The following PKHD1 variants were observed in gnomAD, a reference collection of about 807,000 sequenced individuals.
The protein encoded by PKHD1 is PKHD1 ciliary IPT domain containing fibrocystin/polyductin.
In PKHD1, 291 loss-of-function variants were observed where a neutral mutation model predicts 412.0. The observed-to-expected ratio is 0.71, with a 90% CI of 0.64 to 0.78. PKHD1 has a LOEUF of 0.78. PKHD1 is among the 30% of genes least tolerant of loss of function. The pLI, the probability that PKHD1 is intolerant of heterozygous loss-of-function variation, is 0.00. For missense variants in PKHD1, 4,825 were observed against 4,950.7 expected (o/e 0.97, Z 0.76); for synonymous variants, 1,777 against 1,821.5 (o/e 0.98, Z 0.62).
intron 53 of PKHD1, among the ~76,000 whole-genome samples, chr6:51,783,753 C>T (rs1177752382): frequency 6.6e-6 from 1 of 152,230 alleles, no homozygotes; most frequent in Admixed American, 6.5e-5. Flanking sequence ...GAGTGGGGGA[C>T]ATTTTTAAGT....
At chr6:51,774,302 A>C (rs1243283987) in intron 54 of PKHD1, among the ~76,000 whole-genome samples, 1 of 152,044 alleles carries the variant, frequency 6.6e-6, no homozygotes, top group African/African-American at 2.4e-5. Flanking sequence ...GCATGCAGTA[A>C]AAGAAATACT....
intron 34 of PKHD1, among the ~76,000 whole-genome samples, chr6:52,013,867 T>A (rs1377338821): frequency 6.6e-6 from 1 of 152,114 alleles, no homozygotes; most frequent in Non-Finnish European, 1.5e-5. Context: ...GCAGGCATTT[T>A]CTCTCCCTCA....
In PKHD1 at chr6:51,934,107, C is replaced by CA; in HGVS notation, c.6121+2dup. ...ATTTCCTCTGATCAATTGCCTCACTCACCGTGCAGAGAAAGAGTTCCATTC... is the reference window on the plus strand; with the variant it reads ...ATTTCCTCTGATCAATTGCCTCACTCAACCGTGCAGAGAAAGAGTTCCATTC... On this transcript the variant is annotated splice_region_variant and intron_variant, in intron 37 of 66. Transcript: ENST00000371117. 6.2e-7 allele frequency: 1 copy of CA among 1,604,030 alleles called. No homozygotes were observed. The highest frequency in any genetic ancestry group is 1.7e-5 in the Admixed American group (1 of 60,018).
At position 51,883,199 on chromosome 6, in the gene PKHD1, T is replaced by C; in HGVS notation, c.7244A>G (p.Lys2415Arg). Residue 2415 changes from lysine to arginine, a missense_variant, in exon 46 of 67, where the codon AAA becomes AGA. Lys to Arg is a conservative substitution (Grantham distance 26, BLOSUM62 2). Transcript: ENST00000371117. Reference protein sequence around the residue: ...QIFRSSNLRLKNFKVYSCRDF... With the variant: ...QIFRSSNLRLRNFKVYSCRDF... ...TCTGCATGAATAAACTTTGAAGTTT[T>C]TCAGGCGAAGATTGCTACTTCTAAA... The C allele has an allele frequency of 6.2e-7, 1 of 1,613,156 alleles. No individual in the cohort carries two copies. The highest frequency in any genetic ancestry group is 8.5e-7 in the Non-Finnish European group (1 of 1,179,142).
chr6:51,881,840 C>G (rs530066274), intron 46 of PKHD1, among the ~76,000 whole-genome samples: 1 of 152,258 alleles, frequency 6.6e-6, no homozygotes, highest in South Asian at 2.1e-4. Flanking sequence ...TAGAACAAAA[C>G]TGTTTAACAT....
At chr6:51,969,469 G>A (rs1256303641) in intron 35 of PKHD1, among the ~76,000 whole-genome samples, 1 of 152,170 alleles carries the variant, frequency 6.6e-6, no homozygotes, top group Non-Finnish European at 1.5e-5. Flanking sequence ...AGATTGCATA[G>A]TGGTAAAGTC....
At chr6:51,959,458 C>T (rs571925400) in intron 36 of PKHD1, among the ~76,000 whole-genome samples, 5 of 152,160 alleles carry the variant, frequency 3.3e-5, no homozygotes, top group African/African-American at 1.2e-4. Flanking sequence ...ACCAAGAAGT[C>T]AAAACCACAA....
At position 52,028,237 on chromosome 6, in the gene PKHD1, A is replaced by C; in HGVS notation, c.3479T>G (p.Leu1160Arg). 6.2e-7 allele frequency: 1 copy of C among 1,614,166 alleles called. No individual in the cohort carries two copies. The highest frequency in any genetic ancestry group is 8.5e-7 in the Non-Finnish European group (1 of 1,180,012). Residue 1160 changes from leucine to arginine, a missense_variant, in exon 30 of 67, where the codon CTG becomes CGG. Physicochemically the swap from Leu to Arg is moderately radical, Grantham distance 102 (BLOSUM62 -2). Transcript: ENST00000371117. Reference sequence around the variant, plus strand: ...TGGCAGTGGGGGCAGTGCCACCTCCAGGCCCCAAGCCGACTGTGTGTGAAC... The same window carrying C: ...TGGCAGTGGGGGCAGTGCCACCTCCCGGCCCCAAGCCGACTGTGTGTGAAC... Reference protein sequence around the residue: ...APVHTQSAWGLEVALPPLPAG... With the variant: ...APVHTQSAWGREVALPPLPAG...
chr6:51,737,152 T>C (rs1177484245), intron 60 of PKHD1, among the ~76,000 whole-genome samples: 2 of 152,200 alleles, frequency 1.3e-5, no homozygotes, highest in African/African-American at 2.4e-5. Flanking sequence ...TTCCCTACTG[T>C]CTCATGGTAA....
intron 52 of PKHD1, among the ~76,000 whole-genome samples, chr6:51,801,840 A>C (rs150608109): frequency 4.1e-4 from 63 of 152,266 alleles, no homozygotes; most frequent in Non-Finnish European, 7.5e-4. Flanking sequence ...CCATAGTAGA[A>C]TAAACATTTT....
intron 60 of PKHD1, among the ~76,000 whole-genome samples, chr6:51,728,228 C>T (rs1273001176): frequency 6.6e-6 from 1 of 152,128 alleles, no homozygotes; most frequent in Admixed American, 6.5e-5. Flanking sequence ...TGAGTGACTA[C>T]AAAATTGACT....
rs1407832370 is a variant in PKHD1 at position 52,025,733 on chromosome 6, C to T, written c.4077G>A (p.Leu1359=). The T allele has an allele frequency of 3.7e-6, 6 of 1,614,200 alleles. 1 individual carries two copies. The Admixed American group carries it at 8.3e-5, about 22-fold the overall frequency. The change falls in exon 32 of 67, where the codon CTG becomes CTA. Residue 1359 remains leucine, a synonymous_variant. Transcript: ENST00000371117. ...LSGCSIPLHS[L]EAGIYPLQVR... is the part of the protein sequence containing the mutation. ...CTTGGAGAGGATAGATGCCAGCCTC[C>T]AGACTGTGAAGAGGGATGGAGCATC...
chr6:51,664,680 CA>C (rs1773430836), intron 60 of PKHD1, among the ~76,000 whole-genome samples: 1 of 152,146 alleles, frequency 6.6e-6, no homozygotes, highest in Non-Finnish European at 1.5e-5. Context: ...GATCAAATGC[CA>C]GGCTTCTCAA....
chr6:51,849,032 T>C (rs373286634), intron 49 of PKHD1, among the ~76,000 whole-genome samples: 3 of 150,746 alleles, frequency 2.0e-5, no homozygotes, highest in Non-Finnish European at 4.4e-5. Flanking sequence ...TATTGACCCA[T>C]CCTCTAAGTT....
chr6:52,050,287 C>T lies in PKHD1; in HGVS notation c.2149G>A (p.Ala717Thr), dbSNP rs1340027161. 6.2e-7 allele frequency: 1 copy of T among 1,614,144 alleles called. No individual in the cohort carries two copies. The highest frequency in any genetic ancestry group is 8.5e-7 in the Non-Finnish European group (1 of 1,179,994). ...IADTNVTVSQ[A>T]DSGTARPGGN... Reference sequence around the variant, plus strand: ...CCTGGGCGAGCCGTTCCAGAATCAGCTTGAGAAACTAGAGACCAGTGATCC... The same window carrying T: ...CCTGGGCGAGCCGTTCCAGAATCAGTTTGAGAAACTAGAGACCAGTGATCC... The change falls in exon 22 of 67, where the codon GCT (alanine) becomes ACT (threonine). Residue 717 changes from alanine to threonine, a missense_variant. Physicochemically the swap from Ala to Thr is moderately conservative, Grantham distance 58 (BLOSUM62 0). Coordinates refer to ENST00000371117, the MANE Select transcript of PKHD1 (RefSeq NM_138694.4).
chr6:52,080,151 T>C, intron 4 of PKHD1, 143 bp from the exon 5 acceptor site: 1 of 683,030 alleles, frequency 1.5e-6, no homozygotes, highest in African/African-American at 1.8e-5. Context: ...TTCACCTCTT[T>C]GATCCACTCA....
intron 13 of PKHD1, 97 bp from the exon 14 acceptor site, chr6:52,062,757 TG>T: frequency 6.8e-7 from 1 of 1,472,304 alleles, no homozygotes; most frequent in Non-Finnish European, 9.4e-7. Context: ...ATGACCCAGA[TG>T]CTACCTGTAA....
chr6:52,025,919 C>T lies in PKHD1; in HGVS notation c.3891G>A (p.Ala1297=), dbSNP rs775529923. ...TGGCAGTGACTACTGGTGTTGCTGC[C>T]GCTTCATACATGAAGGTGAAGCCTT... is the stretch of plus-strand genomic sequence containing the variant. ...VGKGFTFMYE[A]AATPVVTAMQ... is the part of the protein sequence containing the mutation. Residue 1297 remains alanine, a synonymous_variant, in exon 32 of 67, where the codon GCG becomes GCA. Coordinates refer to ENST00000371117, the MANE Select transcript of PKHD1 (RefSeq NM_138694.4). The T allele has an allele frequency of 3.3e-5, 54 of 1,614,010 alleles. No individual in the cohort carries two copies. The highest frequency in any genetic ancestry group is 9.3e-5 in the African/African-American group (7 of 74,902).
intron 56 of PKHD1, among the ~76,000 whole-genome samples, chr6:51,753,557 T>C (rs911839022): frequency 6.6e-6 from 1 of 152,202 alleles, no homozygotes; most frequent in Non-Finnish European, 1.5e-5. Flanking sequence ...CTCTTTGGGA[T>C]CAGAGTCAGA....
Sources: allele counts gnomAD v4.1 joint callset (sites outside exome capture counted in the v4.1 genomes callset), GRCh38; gene constraint gnomAD v4.1.1; transcripts MANE v1.5; gene names NCBI Gene and HGNC (gene_info 2026-07-23, HGNC 2026-07-21).